CADM2: variants seen among roughly 807,000 people sequenced by gnomAD.
CADM2 encodes the protein cell adhesion molecule 2.
A neutral mutation model predicts 49.8 loss-of-function variants in CADM2; 12 were observed. That is an observed-to-expected ratio of 0.24 (90% CI 0.15 to 0.39). CADM2 has a LOEUF of 0.39. CADM2 is among the 10% of genes least tolerant of loss of function. The probability of loss-of-function intolerance (pLI) is 1.00; values close to 1 mark genes in which losing one functional copy is unlikely to be tolerated. For missense variants in CADM2, 378 were observed against 492.3 expected, an observed-to-expected ratio of 0.77 and a Z score of 2.20; for synonymous variants, 214 against 175.4, an observed-to-expected ratio of 1.22 and a Z score of -1.74.
At chr3:85,353,673 T>C (rs2031574505) in intron 1 of CADM2, among the ~76,000 whole-genome samples, 1 of 151,924 alleles carries the variant, frequency 6.6e-6, no homozygotes, top group Non-Finnish European at 1.5e-5. Context: ...TATTGCTACA[T>C]CAATTGATTT....
In CADM2 at chr3:85,431,222, T is replaced by C. The variant is rs141446529; in HGVS notation, c.62-295300T>C. Among the ~76,000 whole-genome samples, 23 of 152,280 alleles carry C rather than the reference T, an allele frequency of 1.5e-4. No homozygotes were observed. In the East Asian group the frequency reaches 3.7e-3, roughly 24 times the overall value. On this transcript the variant is annotated intron_variant, in intron 1 of 9. Transcript: ENST00000383699. ...AGGTGTGATGTAAGGGCATATTATCTAGTTTTATGTAAGAACACTGTAGGA... is the reference window on the plus strand; with the variant it reads ...AGGTGTGATGTAAGGGCATATTATCCAGTTTTATGTAAGAACACTGTAGGA...
At chr3:85,724,699 A>G (rs1240525602) in intron 1 of CADM2, among the ~76,000 whole-genome samples, 2 of 151,920 alleles carry the variant, frequency 1.3e-5, no homozygotes, top group East Asian at 3.8e-4. Context: ...AGGTTTTTAT[A>G]AGAACTGCAA....
intron 1 of CADM2, among the ~76,000 whole-genome samples, chr3:85,085,224 C>T (rs939803516): frequency 1.2e-4 from 19 of 152,020 alleles, no homozygotes; most frequent in Non-Finnish European, 2.2e-4. Flanking sequence ...TTACTTCTAT[C>T]TCCTAGCTCC....
intron 1 of CADM2, among the ~76,000 whole-genome samples, chr3:85,372,950 A>G (rs2033358266): frequency 6.6e-6 from 1 of 152,112 alleles, no homozygotes; most frequent in East Asian, 1.9e-4. Context: ...CCGTGGACAC[A>G]TGGGGATTAT....
intron 1 of CADM2, among the ~76,000 whole-genome samples, chr3:85,628,597 A>ATATACATATATATACATATG (rs1425456452): frequency 6.1e-5 from 3 of 49,486 alleles, no homozygotes; most frequent in African/African-American, 2.5e-4. Context: ...ATATACATAT[A>ATATACATATATATACATATG]TACACATATA....
chr3:85,170,579 C>T (rs72907192), intron 1 of CADM2, among the ~76,000 whole-genome samples: 10,478 of 152,132 alleles, frequency 0.069, 1,210 homozygotes, highest in African/African-American at 0.24. Context: ...CTCAAGCTTC[C>T]GTCTCCATCT....
intron 3 of CADM2, among the ~76,000 whole-genome samples, chr3:85,842,901 A>G (rs2074702949): frequency 6.6e-6 from 1 of 152,118 alleles, no homozygotes; most frequent in African/African-American, 2.4e-5. Flanking sequence ...TGATTCCTAT[A>G]CGTTAGAGAG....
intron 1 of CADM2, among the ~76,000 whole-genome samples, chr3:85,446,139 T>C (rs1465102030): frequency 6.6e-6 from 1 of 152,200 alleles, no homozygotes; most frequent in Non-Finnish European, 1.5e-5. Context: ...TAAAGATGAA[T>C]ATTAGCTTCT....
At chr3:85,492,304 T>C (rs532989896) in intron 1 of CADM2, among the ~76,000 whole-genome samples, 1 of 152,216 alleles carries the variant, frequency 6.6e-6, no homozygotes, top group East Asian at 1.9e-4. Flanking sequence ...AAATGGAATA[T>C]TTCGAAGCCA....
intron 1 of CADM2, among the ~76,000 whole-genome samples, chr3:85,154,274 G>A (rs1388620993): frequency 1.6e-4 from 24 of 152,270 alleles, no homozygotes; most frequent in Non-Finnish European, 7.4e-5. Context: ...ACCAAGGCTC[G>A]AGAACTATGT....
intron 2 of CADM2, among the ~76,000 whole-genome samples, chr3:85,751,201 C>T (rs925602819): frequency 6.6e-6 from 1 of 151,988 alleles, no homozygotes; most frequent in Admixed American, 6.6e-5. Context: ...AGATAAAAAT[C>T]TAGTCAAGGG....
chr3:85,919,200 T>C (rs989325947), intron 6 of CADM2, among the ~76,000 whole-genome samples: 3 of 152,064 alleles, frequency 2.0e-5, no homozygotes, highest in South Asian at 2.1e-4. Context: ...TGAAATCTTA[T>C]GCTTATCATT....
intron 6 of CADM2, among the ~76,000 whole-genome samples, chr3:85,927,294 G>A (rs1334435210): frequency 1.3e-5 from 2 of 152,188 alleles, no homozygotes; most frequent in African/African-American, 2.4e-5. Context: ...TCTAGGACAT[G>A]AGGATAAGTC....
chr3:85,062,229 A>G (rs1200587175), intron 1 of CADM2, among the ~76,000 whole-genome samples: 2 of 152,132 alleles, frequency 1.3e-5, no homozygotes, highest in African/African-American at 4.8e-5. Context: ...ATCTTGGGCA[A>G]TCAACACTGT....
At chr3:85,111,932 A>G (rs1233637193) in intron 1 of CADM2, among the ~76,000 whole-genome samples, 1 of 151,856 alleles carries the variant, frequency 6.6e-6, no homozygotes, top group African/African-American at 2.4e-5. Flanking sequence ...CTGTACTCCA[A>G]ATGGTGACTG....
chr3:85,810,081 C>T (rs1303413921), intron 3 of CADM2, among the ~76,000 whole-genome samples: 3 of 151,808 alleles, frequency 2.0e-5, no homozygotes, highest in Admixed American at 6.6e-5. Context: ...CAGAAAGTAG[C>T]GACAGTAGGA....
chr3:85,598,030 T>C (rs1027640864), intron 1 of CADM2, among the ~76,000 whole-genome samples: 8 of 152,186 alleles, frequency 5.3e-5, no homozygotes, highest in Non-Finnish European at 1.2e-4. Flanking sequence ...TACATATAGC[T>C]TTAGATTACA....
intron 1 of CADM2, among the ~76,000 whole-genome samples, chr3:85,695,661 G>T (rs1054678132): frequency 6.6e-6 from 1 of 151,830 alleles, no homozygotes; most frequent in Admixed American, 6.6e-5. Flanking sequence ...TCCAAAAGTT[G>T]ATGGGAACTT....
At chr3:85,093,042 C>T (rs2037657066) in intron 1 of CADM2, among the ~76,000 whole-genome samples, 3 of 152,178 alleles carry the variant, frequency 2.0e-5, no homozygotes, top group Non-Finnish European at 4.4e-5. Flanking sequence ...CTTTCCCTAA[C>T]ATCTACTTAC....
Sources: allele counts gnomAD v4.1 joint callset (sites outside exome capture counted in the v4.1 genomes callset), GRCh38; gene constraint gnomAD v4.1.1; transcripts MANE v1.5; gene names NCBI Gene and HGNC (gene_info 2026-07-23, HGNC 2026-07-21).